NAT10: variants seen among roughly 807,000 people sequenced by gnomAD.
NAT10 encodes RNA cytidine acetyltransferase.
A neutral mutation model predicts 132.2 loss-of-function variants in NAT10; 109 were observed. The observed-to-expected ratio is 0.82, with a 90% CI of 0.71 to 0.97. The LOEUF is 0.97. Among genes scored for constraint, NAT10 ranks in the 50% least tolerant of loss-of-function variants. The probability of loss-of-function intolerance (pLI) is 0.00; values close to 1 mark genes in which losing one functional copy is unlikely to be tolerated. For missense variants in NAT10, 1,184 were observed against 1,263.4 expected, an observed-to-expected ratio of 0.94 and a Z score of 0.95; for synonymous variants, 479 against 478.0, an observed-to-expected ratio of 1.00 and a Z score of -0.03.
chr11:34,141,408 T>TCACACACACACACACACACA (rs59489457), intron 25 of NAT10, among the ~76,000 whole-genome samples, 200 bp downstream of exon 25: 104 of 132,938 alleles, frequency 7.8e-4, no homozygotes, highest in African/African-American at 2.8e-3. Context: ...TCATCACACA[T>TCACACACACACACACACACA]CACACACACA....
intron 18 of NAT10, 51 bp downstream of exon 18, chr11:34,134,637 G>C: frequency 1.3e-6 from 2 of 1,581,322 alleles, no homozygotes; most frequent in Non-Finnish European, 1.7e-6. Flanking sequence ...GGTGCTTTAG[G>C]GTGGGGGTAC....
rs200721605 is a variant in NAT10 at position 34,134,515 on chromosome 11, C to T, written c.1840C>T (p.Gln614Ter). The T allele has an allele frequency of 6.2e-7, 1 of 1,614,190 alleles. No homozygotes were observed. The highest frequency in any genetic ancestry group is 8.5e-7 in the Non-Finnish European group (1 of 1,180,034). The change falls in exon 18 of 29, where the codon CAA becomes TAA. Residue 614 changes from glutamine (Q) to a stop codon, truncating the protein, a stop_gained. Transcript: ENST00000257829. LOFTEE classifies it high-confidence loss of function. ...LIPWTVSEQF[Q>*]DPDFGGLSGG... ...CTGGTTTGTGTCTCCCACACAGTTC[C>T]AAGATCCAGACTTTGGTGGTCTGTC...
rs200281086 is a variant in NAT10 at position 34,118,259 on chromosome 11, G to A, written c.637G>A (p.Val213Ile). 6.3e-4 allele frequency: 1,016 copies of A among 1,614,060 alleles called. 15 individuals carry two copies. In the South Asian group the frequency reaches 7.3e-3, roughly 12 times the overall value. ...QLNILPISSH[V>I]ATMEALPPQT... ...CAACATCCTGCCCATCTCCTCCCACGTTGCCACCATGGAGGCCCTGCCTCC... is the reference window on the plus strand; with the variant it reads ...CAACATCCTGCCCATCTCCTCCCACATTGCCACCATGGAGGCCCTGCCTCC... The change falls in exon 7 of 29, where the codon GTT (valine) becomes ATT (isoleucine). Residue 213 changes from valine (V) to isoleucine (I), a missense_variant. By Grantham distance (29) the Val-to-Ile change is conservative. Transcript: ENST00000257829.
intron 27 of NAT10, among the ~76,000 whole-genome samples, chr11:34,142,653 A>G (rs1034797980): frequency 3.9e-5 from 6 of 152,126 alleles, no homozygotes; most frequent in African/African-American, 1.4e-4. Context: ...AGGCCCTTTA[A>G]TGGTTACTTA....
rs751504103 is a variant in NAT10 at position 34,143,434 on chromosome 11, CT to C, written c.2886-3del. The stretch of plus-strand genomic sequence containing the variant: ...TCTAGCAGGCTTTGATAGTTCCCTT[CT>C]TTTTTTTAGATACATAATCCGTGGG... On this transcript the variant is annotated splice_polypyrimidine_tract_variant and intron_variant, in intron 27 of 28. Transcript: ENST00000257829. 10 of 1,605,256 alleles carry C rather than the reference CT, an allele frequency of 6.2e-6. No homozygotes were observed. Among genetic ancestry groups the C allele is most frequent in the Middle Eastern group, 1.7e-4 (1 of 6,026 alleles).
At chr11:34,121,885 T>C in intron 8 of NAT10, among the ~76,000 whole-genome samples, 1 of 94,598 alleles carries the variant, frequency 1.1e-5, no homozygotes, top group East Asian at 3.5e-4. Flanking sequence ...AAAAAAAAGG[T>C]CTGGTGTGGA....
chr11:34,134,739 G>A (rs1177314845), intron 18 of NAT10, among the ~76,000 whole-genome samples, 153 bp downstream of exon 18: 3 of 151,972 alleles, frequency 2.0e-5, no homozygotes, highest in Admixed American at 2.0e-4. Flanking sequence ...TTCGGGGTGG[G>A]TGGGTGGACA....
chr11:34,110,538 C>T (rs1462020807), intron 3 of NAT10, among the ~76,000 whole-genome samples: 4 of 129,164 alleles, frequency 3.1e-5, no homozygotes, highest in African/African-American at 6.0e-5. Context: ...CTGTGACTTA[C>T]GTTCATTTTT....
Position 34,131,280 on chromosome 11 carries a change from A to G in NAT10, c.1370-101A>G, listed in dbSNP as rs1852100141. ...AAATTCTTACCACACGTCTCTGGCC[A>G]CCATGGGACAAATATAAAGTGAAAC... On this transcript the variant is annotated intron_variant, in intron 13 of 28. Coordinates refer to ENST00000257829, the MANE Select transcript of NAT10 (RefSeq NM_024662.3). 19 of 1,454,386 alleles carry G rather than the reference A, an allele frequency of 1.3e-5. No individual in the cohort carries two copies. In the East Asian group the frequency reaches 4.5e-4, roughly 34 times the overall value. 90.1% of individuals were successfully genotyped at this position (1,454,386 alleles called of 1,614,324 possible).
intron 6 of NAT10, 81 bp downstream of exon 6, chr11:34,115,965 C>A: frequency 6.9e-7 from 1 of 1,440,066 alleles, no homozygotes; most frequent in South Asian, 1.2e-5. Context: ...GAAAACTTTG[C>A]TTTTATATTG....
At chr11:34,110,679 A>G (rs1851680487) in intron 3 of NAT10, among the ~76,000 whole-genome samples, 1 of 147,522 alleles carries the variant, frequency 6.8e-6, no homozygotes, top group African/African-American at 2.5e-5. Context: ...TATCATAGGT[A>G]CTCAGTATAC....
At chr11:34,123,437 A>G (rs1311257752) in intron 9 of NAT10, among the ~76,000 whole-genome samples, 4 of 152,228 alleles carry the variant, frequency 2.6e-5, no homozygotes, top group Admixed American at 6.5e-5. Flanking sequence ...CAGCTTCACC[A>G]TTTGAAAGCG....
intron 3 of NAT10, among the ~76,000 whole-genome samples, chr11:34,110,491 A>G (rs545261215): frequency 3.7e-4 from 55 of 149,450 alleles, no homozygotes; most frequent in Admixed American, 3.5e-3. Context: ...ATGTTTGCCA[A>G]TGGATGCTTT....
chr11:34,144,635 C>T (rs540092654), intron 28 of NAT10, among the ~76,000 whole-genome samples: 2 of 152,322 alleles, frequency 1.3e-5, no homozygotes, highest in African/African-American at 2.4e-5. Flanking sequence ...GGGACCCCAG[C>T]AGTCCCTAGA....
Position 34,113,812 on chromosome 11 carries a change from C to G in NAT10, c.469C>G (p.Leu157Val). The G allele has an allele frequency of 2.5e-6, 4 of 1,614,008 alleles. No individual in the cohort carries two copies. The highest frequency in any genetic ancestry group is 1.3e-5 in the African/African-American group (1 of 74,998). ...CATCCTCCTACGGACCATGAACTCA[C>G]TCAAGCAATTGTACACAGTGACTAT... ...VVILLRTMNS[L>V]KQLYTVTMDV... Residue 157 changes from leucine to valine, a missense_variant, in exon 5 of 29, where the codon CTC becomes GTC. Transcript: ENST00000257829.
At chr11:34,138,154 C>T (rs185750225) in intron 21 of NAT10, among the ~76,000 whole-genome samples, 2 of 152,284 alleles carry the variant, frequency 1.3e-5, no homozygotes, top group Admixed American at 1.3e-4. Context: ...GTGAGGGGGG[C>T]TGACTGCCAG....
intron 24 of NAT10, 62 bp from the exon 25 acceptor site, chr11:34,141,027 C>G: frequency 2.5e-6 from 4 of 1,607,226 alleles, no homozygotes; most frequent in Admixed American, 1.7e-5. Flanking sequence ...TGGTTCTTGG[C>G]GCCATTTTAA....
chr11:34,127,582 G>A lies in NAT10; in HGVS notation c.1227G>A (p.Met409Ile). The A allele has an allele frequency of 6.2e-7, 1 of 1,613,078 alleles. No individual in the cohort carries two copies. Among genetic ancestry groups the A allele is most frequent in the Non-Finnish European group, 8.5e-7 (1 of 1,179,168 alleles). ...TACTTGGCCCCTACCTTGTTTTCAT[G>A]GCATCCACCATCAATGGGTAAGGTA... ...KSLLGPYLVFMASTINGYEGT... is the reference protein window; with the variant it reads ...KSLLGPYLVFIASTINGYEGT... The change falls in exon 12 of 29, where the codon ATG becomes ATA. Residue 409 changes from methionine (M) to isoleucine (I), a missense_variant. Transcript: ENST00000257829.
chr11:34,129,992 A>G (rs1200090955), intron 12 of NAT10, among the ~76,000 whole-genome samples: 1 of 152,170 alleles, frequency 6.6e-6, no homozygotes, highest in Non-Finnish European at 1.5e-5. Context: ...AAATAAATAA[A>G]TAGGATACTT....
Sources: gnomAD v4.1 joint callset for allele counts (sites outside exome capture counted in the v4.1 genomes callset) on GRCh38, gnomAD v4.1.1 for gene constraint, MANE v1.5 for transcripts, NCBI Gene and HGNC (gene_info 2026-07-23, HGNC 2026-07-21) for gene names.